The following ADAMTS16 variants were observed in gnomAD, a reference collection of about 807,000 sequenced individuals.
ADAMTS16 encodes A disintegrin and metalloproteinase with thrombospondin motifs 16.
In ADAMTS16, 94 loss-of-function variants were observed where a neutral mutation model predicts 145.8. That is an observed-to-expected ratio of 0.64 (90% CI 0.55 to 0.77). The LOEUF (loss-of-function observed/expected upper bound fraction) is 0.77, where lower values mean the gene tolerates loss of function less well. Among genes scored for constraint, ADAMTS16 ranks in the 30% least tolerant of loss-of-function variants. ADAMTS16 has a pLI of 0.00. For synonymous variants in ADAMTS16, 659 were observed against 604.3 expected (o/e 1.09, Z -1.33); for missense variants, 1,585 against 1,591.5 (o/e 1.00, Z 0.07).
At chr5:5,285,969 C>A (rs995015390) in intron 18 of ADAMTS16, among the ~76,000 whole-genome samples, 1 of 152,212 alleles carries the variant, frequency 6.6e-6, no homozygotes, top group East Asian at 1.9e-4. Flanking sequence ...TCTGTTGCGA[C>A]TTGTGCGTAT....
At chr5:5,148,473 A>C (rs1192331757) in intron 3 of ADAMTS16, among the ~76,000 whole-genome samples, 1 of 152,278 alleles carries the variant, frequency 6.6e-6, no homozygotes, top group Admixed American at 6.5e-5. Flanking sequence ...CTTAATTATT[A>C]CATAATATCT....
At chr5:5,303,151 C>G (rs577070392) in intron 18 of ADAMTS16, 117 bp from the exon 19 acceptor site, 2 of 1,120,306 alleles carry the variant, frequency 1.8e-6, no homozygotes, top group African/African-American at 1.6e-5. Context: ...CTGAAAATAA[C>G]GGCACACACA....
At chr5:5,245,508 T>G (rs1737415270) in intron 17 of ADAMTS16, among the ~76,000 whole-genome samples, 1 of 152,208 alleles carries the variant, frequency 6.6e-6, no homozygotes, top group Admixed American at 6.5e-5. Flanking sequence ...TTGTATAATT[T>G]TTAAGACTTC....
At chr5:5,271,856 G>A (rs1158996068) in intron 18 of ADAMTS16, among the ~76,000 whole-genome samples, 1 of 152,108 alleles carries the variant, frequency 6.6e-6, no homozygotes, top group Non-Finnish European at 1.5e-5. Flanking sequence ...CTTGATATTT[G>A]GATGGCTTAT....
intron 10 of ADAMTS16, among the ~76,000 whole-genome samples, chr5:5,212,290 C>G (rs1254359492): frequency 6.6e-6 from 1 of 151,236 alleles, no homozygotes; most frequent in Non-Finnish European, 1.5e-5. Context: ...TCACTGCAAG[C>G]TCTGCCTCCC....
At chr5:5,309,532 C>T (rs1328922666) in intron 21 of ADAMTS16, among the ~76,000 whole-genome samples, 1 of 152,050 alleles carries the variant, frequency 6.6e-6, no homozygotes, top group Non-Finnish European at 1.5e-5. Flanking sequence ...TGAGCGGGTC[C>T]CGGCAGCTAC....
intron 11 of ADAMTS16, among the ~76,000 whole-genome samples, chr5:5,227,293 T>C (rs1432729840): frequency 1.3e-5 from 2 of 152,222 alleles, no homozygotes; most frequent in African/African-American, 4.8e-5. Flanking sequence ...GCCACAGGCG[T>C]AGGGACTGTG....
At position 5,193,138 on chromosome 5, in the gene ADAMTS16, A is replaced by AGTGTGTGT. The variant is rs146798284; in HGVS notation, c.1313+1366_1313+1373dup. ...CTGAGGCCTCAGACTTGTTCAAAGC[A>AGTGTGTGT]GTGTGTGTGTGTGTGTGTGTGTGTG... is the stretch of plus-strand genomic sequence containing the variant. On this transcript the variant is annotated intron_variant, in intron 8 of 22. Transcript: ENST00000274181. Among the ~76,000 whole-genome samples the AGTGTGTGT allele has an allele frequency of 6.6e-3, 990 of 150,668 alleles. 13 individuals are homozygous for AGTGTGTGT. The highest frequency in any genetic ancestry group is 0.023 in the African/African-American group (956 of 40,778).
At chr5:5,263,190 T>A (rs987240075) in intron 18 of ADAMTS16, among the ~76,000 whole-genome samples, 2 of 152,178 alleles carry the variant, frequency 1.3e-5, no homozygotes, top group Non-Finnish European at 2.9e-5. Context: ...GAACCCTGGA[T>A]TCCTCAGTGC....
chr5:5,200,295 T>G (rs771429685), intron 9 of ADAMTS16, 26 bp downstream of exon 9: 1 of 1,612,956 alleles, frequency 6.2e-7, no homozygotes, highest in Non-Finnish European at 8.5e-7. Flanking sequence ...GCTGGTCTTG[T>G]GATCTTTCGG....
rs1734140431 is a variant in ADAMTS16 at position 5,140,744 on chromosome 5, G to C, written c.153G>C (p.Arg51=). ...CGCGTCCTCCTCCACCCGCGGAGCG[G>C]CCGGGCTGGATGGAAAAGGGCGGTA... ...SVPRPPPPAE[R]PGWMEKGEYD... Residue 51 remains arginine (R), a synonymous_variant, in exon 2 of 23, where the codon CGG becomes CGC. Coordinates refer to ENST00000274181, the MANE Select transcript of ADAMTS16 (RefSeq NM_139056.4). The C allele has an allele frequency of 2.6e-6, 4 of 1,567,058 alleles. No individual in the cohort carries two copies. The East Asian group carries it at 9.3e-5, about 36-fold the overall frequency.
chr5:5,235,020 G>C lies in ADAMTS16; in HGVS notation c.1857G>C (p.Ser619=). Residue 619 remains serine (S), a synonymous_variant, in exon 13 of 23, where the codon TCG becomes TCC. Coordinates refer to ENST00000274181, the MANE Select transcript of ADAMTS16 (RefSeq NM_139056.4). ...RSRLCTNPKP[S]HGGKFCEGST... ...TTCAAAATACACATTCCAGGCCATC[G>C]CATGGAGGGAAGTTCTGTGAGGGCT... 2.5e-6 allele frequency: 4 copies of C among 1,569,674 alleles called. No individual in the cohort carries two copies. The highest frequency in any genetic ancestry group is 3.5e-6 in the Non-Finnish European group (4 of 1,149,276).
intron 3 of ADAMTS16, among the ~76,000 whole-genome samples, chr5:5,181,664 A>AC: frequency 6.6e-6 from 1 of 152,194 alleles, no homozygotes; most frequent in East Asian, 1.9e-4. Context: ...TTTATCTGAG[A>AC]CCCCTCACCA....
chr5:5,319,097 G>C lies in ADAMTS16; in HGVS notation c.3634G>C (p.Gly1212Arg). The change falls in exon 23 of 23, where the codon GGC (glycine) becomes CGC (arginine). Residue 1212 changes from glycine to arginine, a missense_variant. Physicochemically the swap from Gly to Arg is moderately radical, Grantham distance 125. Around this residue, in one of 3 missense-constraint regions of ADAMTS16, gnomAD observed 834 missense variants for 811.7 expected, o/e 1.03. Transcript: ENST00000274181. ...CGGGATGTGCAGCCACAAGTTCTAC[G>C]GCAAGCAGTGCTGCAAGACTTGCTC... ...QHGMCSHKFY[G>R]KQCCKTCSKS... 2 of 1,613,096 alleles carry C rather than the reference G, an allele frequency of 1.2e-6. No individual in the cohort carries two copies. The highest frequency in any genetic ancestry group is 1.7e-6 in the Non-Finnish European group (2 of 1,179,738).
At chr5:5,230,293 G>A (rs1037553215) in intron 11 of ADAMTS16, among the ~76,000 whole-genome samples, 14 of 152,156 alleles carry the variant, frequency 9.2e-5, no homozygotes, top group Admixed American at 5.9e-4. Context: ...TGCAATAAAC[G>A]AACCGTGTTT....
chr5:5,239,567 C>T (rs1195184076), intron 15 of ADAMTS16, 114 bp from the exon 16 acceptor site: 2 of 1,452,544 alleles, frequency 1.4e-6, no homozygotes, highest in African/African-American at 1.4e-5. Context: ...ACGTCTTCAC[C>T]CAGTTCCAAA....
rs1479384823 is a variant in ADAMTS16, at chr5:5,140,517, T to C, written c.50T>C (p.Leu17Pro). Residue 17 changes from leucine (L) to proline (P), a missense_variant, in exon 1 of 23, where the codon CTG becomes CCG. By Grantham distance (98) the Leu-to-Pro change is moderately conservative. This residue lies in a region of ADAMTS16 where 453 missense variants were observed against 412.1 expected (regional missense o/e 1.10). Transcript: ENST00000274181. ...CGGGGCTTGGCGGCGCTGTGGATGCTGTTGGCGCAGGTGGCCGAGCAGGTG... is the reference window on the plus strand; with the variant it reads ...CGGGGCTTGGCGGCGCTGTGGATGCCGTTGGCGCAGGTGGCCGAGCAGGTG... ...GWRGLAALWM[L>P]LAQVAEQAPA... 6.6e-7 allele frequency: 1 copy of C among 1,519,866 alleles called. No individual in the cohort carries two copies. The highest frequency in any genetic ancestry group is 1.2e-5 in the South Asian group (1 of 82,264). The allele number at this position is 1,519,866 out of a possible 1,614,324, so 94.1% of individuals were successfully genotyped here. A position where few individuals can be genotyped will look rare whatever the true frequency, so the allele number is the denominator to read the frequency against.
intron 18 of ADAMTS16, among the ~76,000 whole-genome samples, chr5:5,295,874 A>G (rs1417074988): frequency 1.3e-5 from 2 of 152,248 alleles, no homozygotes; most frequent in Non-Finnish European, 2.9e-5. Flanking sequence ...TCAGGGTAGC[A>G]GAAGAATGTT....
rs1413786675 is a variant in ADAMTS16, at chr5:5,212,203, TGTTTTG to T, written c.1605+2958_1605+2963del. 2.9e-3 allele frequency among the ~76,000 whole-genome samples: 394 copies of T among 137,802 alleles called. 18 individuals carry two copies. The highest frequency in any genetic ancestry group is 5.8e-3 in the East Asian group (23 of 3,974). The allele number at this position is 137,802 out of a possible 152,430, so 90.4% of individuals were successfully genotyped here. On this transcript the variant is annotated intron_variant, in intron 10 of 22. Coordinates refer to ENST00000274181, the MANE Select transcript of ADAMTS16 (RefSeq NM_139056.4). ...TTAGTTTCTGGGGTTTTTTTTGTTT[TGTTTTG>T]TTTTGTTTTTTTTTTTGAGATGGAG...
Sources: gnomAD v4.1 joint callset for allele counts (sites outside exome capture counted in the v4.1 genomes callset) on GRCh38, gnomAD v4.1.1 for gene constraint, gnomAD v4.1.1 regional missense constraint, MANE v1.5 for transcripts, NCBI Gene and HGNC (gene_info 2026-07-23, HGNC 2026-07-21) for gene names.